Variants in DGAT2L6 observed in about 807,000 individuals in gnomAD.
DGAT2L6 encodes the protein diacylglycerol O-acyltransferase 2 like 6, also known as diacylglycerol O-acyltransferase 2-like protein 6.
Under a neutral mutation model 25.5 loss-of-function variants are expected in DGAT2L6, and 22 were observed. That is an observed-to-expected ratio of 0.86 (90% CI 0.62 to 1.23). DGAT2L6 has a LOEUF of 1.23. Ranked by LOEUF, DGAT2L6 falls within the 50% of genes most tolerant of loss-of-function variation. DGAT2L6 has a pLI of 0.00. For synonymous variants in DGAT2L6, 100 were observed against 94.7 expected (o/e 1.06, Z -0.32); for missense variants, 287 against 253.2 (o/e 1.13, Z -0.91).
In DGAT2L6 at chrX:70,204,536, C is replaced by T. The variant is rs192793144; in HGVS notation, c.859+20C>T. The stretch of plus-strand genomic sequence containing the variant: ...CTGTTGGTGAGCTTTCCCTTATCTC[C>T]GGATGACCTGTTTCTTCATTCACTT... On this transcript the variant is annotated intron_variant, in intron 6 of 6. Transcript: ENST00000333026. The T allele has an allele frequency of 9.4e-5, 113 of 1,198,966 alleles. No individual in the cohort carries two copies. The African/African-American group carries it at 1.5e-3, about 16-fold the overall frequency.
chrX:70,203,761 A>G (rs1456563695), intron 5 of DGAT2L6, among the ~76,000 whole-genome samples: 5 of 111,052 alleles, frequency 4.5e-5, no homozygotes, highest in African/African-American at 9.8e-5. Context: ...TAAGGGGATG[A>G]GATTGGGACT....
At chrX:70,179,030 T>G (rs1427092971) in intron 1 of DGAT2L6, among the ~76,000 whole-genome samples, 1 of 112,380 alleles carries the variant, frequency 8.9e-6, no homozygotes, top group Non-Finnish European at 1.9e-5. Flanking sequence ...TGGGTAATAT[T>G]TTGATAACTG....
intron 1 of DGAT2L6, among the ~76,000 whole-genome samples, chrX:70,184,623 C>T (rs1460428284): frequency 9.1e-6 from 1 of 109,453 alleles, no homozygotes; most frequent in Non-Finnish European, 1.9e-5. Context: ...CACCACCATG[C>T]TTGGTTAATT....
In DGAT2L6 at chrX:70,205,487, G is replaced by A. The variant is rs1310762439; in HGVS notation, c.*381G>A. Reference sequence around the variant, plus strand: ...ACCTTAGTTCACCATCACTACGTAGGTTTAGACTTAGAAGCTTTATTTGGA... The same window carrying A: ...ACCTTAGTTCACCATCACTACGTAGATTTAGACTTAGAAGCTTTATTTGGA... On this transcript the variant is annotated 3_prime_UTR_variant, in exon 7 of 7. Transcript: ENST00000333026. The A allele has an allele frequency of 7.5e-6, 1 of 133,250 alleles. No individual in the cohort carries two copies. The highest frequency in any genetic ancestry group is 1.5e-5 in the Non-Finnish European group (1 of 67,790). The allele number at this position is 133,250 out of a possible 1,213,427, so 11.0% of individuals were successfully genotyped here. A position where few individuals can be genotyped will look rare whatever the true frequency, so the allele number is the denominator to read the frequency against.
intron 1 of DGAT2L6, among the ~76,000 whole-genome samples, chrX:70,197,836 G>T (rs1314271531): frequency 1.8e-5 from 2 of 112,153 alleles, no homozygotes; most frequent in Non-Finnish European, 3.8e-5. Flanking sequence ...GGCATAGATA[G>T]CAAGGCTTTT....
intron 1 of DGAT2L6, among the ~76,000 whole-genome samples, chrX:70,193,214 A>C (rs111931712): frequency 0.13 from 14,306 of 108,167 alleles, 898 homozygotes; most frequent in Middle Eastern, 0.2. Flanking sequence ...GCTACTCGGG[A>C]GGCTGAGGCA....
In DGAT2L6 at chrX:70,180,976, C is replaced by T. The variant is rs762073264; in HGVS notation, c.85+3309C>T. Among the ~76,000 whole-genome samples the T allele has an allele frequency of 1.5e-4, 17 of 112,175 alleles. 1 individual carries two copies. The highest frequency in any genetic ancestry group is 8.3e-4 in the East Asian group (3 of 3,600). On this transcript the variant is annotated intron_variant, in intron 1 of 6. Coordinates refer to ENST00000333026, the MANE Select transcript of DGAT2L6 (RefSeq NM_198512.3). ...TTGATGGACATTTAGGTTGCCTTGACGTTTTGGCTATTGTGAGTAATGTTG... is the reference window on the plus strand; with the variant it reads ...TTGATGGACATTTAGGTTGCCTTGATGTTTTGGCTATTGTGAGTAATGTTG...
chrX:70,183,513 A>T (rs1262164335), intron 1 of DGAT2L6, among the ~76,000 whole-genome samples: 2 of 112,290 alleles, frequency 1.8e-5, no homozygotes, highest in African/African-American at 6.5e-5. Context: ...AGCAGCCATT[A>T]TATCTTTGGT....
intron 3 of DGAT2L6, 53 bp from the exon 4 acceptor site, chrX:70,200,202 G>A (rs1001849196): frequency 7.0e-6 from 8 of 1,136,501 alleles, no homozygotes; most frequent in African/African-American, 3.6e-5. Flanking sequence ...TAGTCCACAC[G>A]TGGTTTCTTC....
intron 2 of DGAT2L6, 76 bp downstream of exon 2, chrX:70,199,457 G>T (rs1384238513): frequency 2.0e-5 from 15 of 750,085 alleles, no homozygotes; most frequent in Non-Finnish European, 3.0e-5. Context: ...TGGAGGGAGA[G>T]GGGGAGAACC....
chrX:70,202,837 T>G (rs112485138), intron 5 of DGAT2L6, among the ~76,000 whole-genome samples: 2,148 of 111,148 alleles, frequency 0.019, 58 homozygotes, highest in African/African-American at 0.067. Context: ...ATCCAATGGC[T>G]CCCATGTCAC....
Position 70,199,265 on chromosome X carries a change from C to G in DGAT2L6, c.86-6C>G. 8.7e-7 allele frequency: 1 copy of G among 1,152,233 alleles called. No individual in the cohort carries two copies. The allele number at this position is 1,152,233 out of a possible 1,213,427, so 95.0% of individuals were successfully genotyped here. A position where few individuals can be genotyped will look rare whatever the true frequency, so the allele number is the denominator to read the frequency against. ...TGAAAGGCTTGAACCCTTTGTGTCTCCCCAGGAGCTATTCCCATTCTCCTT... is the reference window on the plus strand; with the variant it reads ...TGAAAGGCTTGAACCCTTTGTGTCTGCCCAGGAGCTATTCCCATTCTCCTT... On this transcript the variant is annotated splice_region_variant and splice_polypyrimidine_tract_variant and intron_variant, in intron 1 of 6. Coordinates refer to ENST00000333026, the MANE Select transcript of DGAT2L6 (RefSeq NM_198512.3).
intron 1 of DGAT2L6, among the ~76,000 whole-genome samples, chrX:70,185,031 G>C (rs3849260): frequency 2.7e-5 from 3 of 110,863 alleles, no homozygotes; most frequent in South Asian, 7.6e-4. Flanking sequence ...AAACAGACAC[G>C]ATCATGCTAC....
intron 1 of DGAT2L6, among the ~76,000 whole-genome samples, chrX:70,187,296 C>G (rs1170233700): frequency 9.0e-6 from 1 of 110,820 alleles, no homozygotes; most frequent in Non-Finnish European, 1.9e-5. Flanking sequence ...TAGCCAGACA[C>G]AGAGCTGAAG....
At chrX:70,187,028 G>C (rs1193635451) in intron 1 of DGAT2L6, among the ~76,000 whole-genome samples, 1 of 111,829 alleles carries the variant, frequency 8.9e-6, no homozygotes, top group African/African-American at 3.3e-5. Context: ...TTCTGGCAGA[G>C]GTGTGGGAAA....
At chrX:70,200,732 C>A (rs1252125980) in intron 4 of DGAT2L6, among the ~76,000 whole-genome samples, 6 of 111,359 alleles carry the variant, frequency 5.4e-5, no homozygotes, top group Non-Finnish European at 1.1e-4. Flanking sequence ...AATTCAGGAC[C>A]AATGCCAAAG....
At chrX:70,185,369 A>G (rs1473934990) in intron 1 of DGAT2L6, among the ~76,000 whole-genome samples, 1 of 112,410 alleles carries the variant, frequency 8.9e-6, no homozygotes, top group Non-Finnish European at 1.9e-5. Context: ...TTCCACACGT[A>G]TTAATGTGAG....
chrX:70,201,824 G>C, intron 4 of DGAT2L6, 66 bp from the exon 5 acceptor site: 1 of 1,056,042 alleles, frequency 9.5e-7, no homozygotes, highest in African/African-American at 1.9e-5. Context: ...GGAAGAGCCT[G>C]GGAAAACCCC....
intron 1 of DGAT2L6, among the ~76,000 whole-genome samples, chrX:70,182,822 T>A (rs1169894366): frequency 9.0e-6 from 1 of 111,252 alleles, no homozygotes; most frequent in Non-Finnish European, 1.9e-5. Context: ...CCCGGCTAAG[T>A]TTTTTGTATT....
Sources: gnomAD v4.1 joint callset for allele counts (sites outside exome capture counted in the v4.1 genomes callset) on GRCh38, gnomAD v4.1.1 for gene constraint, MANE v1.5 for transcripts, NCBI Gene and HGNC (gene_info 2026-07-23, HGNC 2026-07-21) for gene names.